The following KCNAB1 variants were observed in gnomAD, a reference collection of about 807,000 sequenced individuals.
KCNAB1 encodes potassium voltage-gated channel subfamily A regulatory beta subunit 1.
Under a neutral mutation model 64.6 loss-of-function variants are expected in KCNAB1, and 35 were observed. The observed-to-expected ratio is 0.54, with a 90% CI of 0.41 to 0.72. KCNAB1 has a LOEUF of 0.72. Ranked by LOEUF, KCNAB1 falls within the 30% of genes least tolerant of loss-of-function variation. The probability of loss-of-function intolerance (pLI) is 0.00; values close to 1 mark genes in which losing one functional copy is unlikely to be tolerated. For missense variants in KCNAB1, 401 were observed against 512.9 expected (o/e 0.78, Z 2.11); for synonymous variants, 177 against 183.8 (o/e 0.96, Z 0.30).
chr3:156,143,569 G>GTTGTTGTTTTTTTTTTTTTTTTTTTT (rs1443482013), intron 1 of KCNAB1: 1 of 281,598 alleles, frequency 3.6e-6, no homozygotes, highest in African/African-American at 2.9e-5. Context: ...TTGCATTCTT[G>GTTGTTGTTTTTTTTTTTTTTTTTTTT]TTTTTTTTTT....
In KCNAB1 at chr3:156,484,594, C is replaced by G. The variant is rs546807366; in HGVS notation, c.658+9774C>G. On this transcript the variant is annotated intron_variant, in intron 8 of 13. Coordinates refer to ENST00000490337, the MANE Select transcript of KCNAB1 (RefSeq NM_172160.3). ...GGAGAATTCATTTCTGTAAGTTCCT[C>G]GATCTGCTGCAGCAGATCTGCAGTG... Among the ~76,000 whole-genome samples the G allele has an allele frequency of 4.6e-5, 7 of 151,966 alleles. No homozygotes were observed. In the South Asian group the frequency reaches 1.5e-3, roughly 32 times the overall value.
In KCNAB1 at chr3:156,161,940, C is replaced by G. The variant is rs140096542; in HGVS notation, c.275+41054C>G. On this transcript the variant is annotated intron_variant, in intron 1 of 13. Transcript: ENST00000490337. Reference sequence around the variant, plus strand: ...ATTGACAAGGCATCTTAATTTTTATCCATAATAGCATGTTTTGCTTATGTT... The same window carrying G: ...ATTGACAAGGCATCTTAATTTTTATGCATAATAGCATGTTTTGCTTATGTT... Among the ~76,000 whole-genome samples the G allele has an allele frequency of 1.8e-3, 270 of 152,294 alleles. 1 individual carries two copies. Among genetic ancestry groups the G allele is most frequent in the African/African-American group, 6.2e-3 (258 of 41,552 alleles).
At chr3:156,322,846 G>A (rs576284851) in intron 1 of KCNAB1, among the ~76,000 whole-genome samples, 1 of 152,248 alleles carries the variant, frequency 6.6e-6, no homozygotes, top group Non-Finnish European at 1.5e-5. Flanking sequence ...CTGGGGTTCC[G>A]ATACCTCTTG....
At chr3:156,437,783 G>T (rs894654259) in intron 2 of KCNAB1, among the ~76,000 whole-genome samples, 2 of 152,150 alleles carry the variant, frequency 1.3e-5, no homozygotes, top group African/African-American at 4.8e-5. Flanking sequence ...TGGTCAGGGC[G>T]AAAGACCCTG....
chr3:156,185,632 T>C (rs1180715203), intron 1 of KCNAB1, among the ~76,000 whole-genome samples: 1 of 152,186 alleles, frequency 6.6e-6, no homozygotes, highest in Non-Finnish European at 1.5e-5. Flanking sequence ...GGGCTTGGGC[T>C]AGGGCAGTTA....
At position 156,291,664 on chromosome 3, in the gene KCNAB1, C is replaced by T. The variant is rs1000142927; in HGVS notation, c.276-129952C>T. 2.6e-5 allele frequency: 36 copies of T among 1,387,680 alleles called. No individual in the cohort carries two copies. In the African/African-American group the frequency reaches 4.5e-4, roughly 17 times the overall value. 86.0% of individuals were successfully genotyped at this position (1,387,680 alleles called of 1,614,324 possible). On this transcript the variant is annotated intron_variant, in intron 1 of 13. Coordinates refer to ENST00000490337, the MANE Select transcript of KCNAB1 (RefSeq NM_172160.3). ...CTGATTCTCCCTCCAGCTGCTGTGA[C>T]AACTTCGGGGCCGTCTGTTTACTTC...
chr3:156,355,366 A>G (rs3772245), intron 1 of KCNAB1, among the ~76,000 whole-genome samples: 23,454 of 152,204 alleles, frequency 0.15, 2,069 homozygotes, highest in Middle Eastern at 0.22. Flanking sequence ...AGTGCTTGCA[A>G]GTCCTCTGAG....
chr3:156,302,154 C>T (rs1451690951), intron 1 of KCNAB1, among the ~76,000 whole-genome samples: 1 of 152,162 alleles, frequency 6.6e-6, no homozygotes, highest in Non-Finnish European at 1.5e-5. Context: ...TCATTCTAAT[C>T]TCCAGTTCTG....
chr3:156,294,912 A>C (rs1259402118), intron 1 of KCNAB1, among the ~76,000 whole-genome samples: 2 of 152,226 alleles, frequency 1.3e-5, no homozygotes, highest in Non-Finnish European at 2.9e-5. Flanking sequence ...AATGTTGCCT[A>C]GTGAAGAGGT....
chr3:156,192,673 A>G (rs938216923), intron 1 of KCNAB1, among the ~76,000 whole-genome samples: 5 of 152,132 alleles, frequency 3.3e-5, no homozygotes, highest in African/African-American at 1.2e-4. Flanking sequence ...TCTGTTATTA[A>G]GTACATGAAT....
chr3:156,456,909 C>T lies in KCNAB1; in HGVS notation c.358-544C>T, dbSNP rs183340164. ...CTGGGTTCCTGGTGAGTCAGAGGCACGCTGCCGCCTCTCTGTGTTGATTCA... is the reference window on the plus strand; with the variant it reads ...CTGGGTTCCTGGTGAGTCAGAGGCATGCTGCCGCCTCTCTGTGTTGATTCA... On this transcript the variant is annotated intron_variant, in intron 3 of 13. Coordinates refer to ENST00000490337, the MANE Select transcript of KCNAB1 (RefSeq NM_172160.3). 1.2e-3 allele frequency: 185 copies of T among 154,160 alleles called. 1 individual carries two copies. Among genetic ancestry groups the T allele is most frequent in the Non-Finnish European group, 2.1e-3 (144 of 69,348 alleles). The allele number at this position is 154,160 out of a possible 1,614,324, so 9.5% of individuals were successfully genotyped here.
chr3:156,295,525 T>C (rs1375310065), intron 1 of KCNAB1, among the ~76,000 whole-genome samples: 1 of 152,220 alleles, frequency 6.6e-6, no homozygotes, highest in Non-Finnish European at 1.5e-5. Context: ...ACTATTATAT[T>C]CACACCATCA....
At chr3:156,435,669 G>T (rs1015581851) in intron 2 of KCNAB1, among the ~76,000 whole-genome samples, 3 of 152,184 alleles carry the variant, frequency 2.0e-5, no homozygotes, top group African/African-American at 7.2e-5. Context: ...GAAGAGAAGG[G>T]AAAGAGTTTG....
intron 1 of KCNAB1, among the ~76,000 whole-genome samples, chr3:156,172,569 CA>C (rs1712072495): frequency 6.6e-6 from 1 of 152,172 alleles, no homozygotes; most frequent in Admixed American, 6.5e-5. Flanking sequence ...CGCGAGCCAC[CA>C]CATGCGGCTA....
chr3:156,533,638 A>G (rs1718853863), intron 13 of KCNAB1, among the ~76,000 whole-genome samples: 1 of 152,106 alleles, frequency 6.6e-6, no homozygotes, highest in South Asian at 2.1e-4. Flanking sequence ...ATAAAGTAGA[A>G]TGAAGGGCAA....
chr3:156,423,583 A>G (rs1336655202), intron 2 of KCNAB1, among the ~76,000 whole-genome samples: 2 of 152,362 alleles, frequency 1.3e-5, no homozygotes, highest in African/African-American at 4.8e-5. Context: ...ACACAGTGAC[A>G]AGATAGCATT....
intron 8 of KCNAB1, among the ~76,000 whole-genome samples, chr3:156,498,462 C>T (rs1014992524): frequency 1.3e-5 from 2 of 152,138 alleles, no homozygotes; most frequent in Admixed American, 1.3e-4. Flanking sequence ...GTTTTAAATA[C>T]AGGAGTTTCC....
chr3:156,406,791 A>G (rs948996625), intron 1 of KCNAB1, among the ~76,000 whole-genome samples: 1 of 152,184 alleles, frequency 6.6e-6, no homozygotes, highest in Non-Finnish European at 1.5e-5. Flanking sequence ...TACCATTAAA[A>G]AGGAAAGGGG....
chr3:156,396,342 T>A (rs1713464008), intron 1 of KCNAB1, among the ~76,000 whole-genome samples: 1 of 152,236 alleles, frequency 6.6e-6, no homozygotes, highest in African/African-American at 2.4e-5. Flanking sequence ...TTTCCATTTT[T>A]AATTTAAAAA....
Sources: gnomAD v4.1 joint callset for allele counts (sites outside exome capture counted in the v4.1 genomes callset) on GRCh38, gnomAD v4.1.1 for gene constraint, MANE v1.5 for transcripts, NCBI Gene and HGNC (gene_info 2026-07-23, HGNC 2026-07-21) for gene names.